The following RAB2A variants were observed in gnomAD, a reference collection of about 807,000 sequenced individuals.
RAB2A encodes the protein RAB2A, member RAS oncogene family.
In RAB2A, 7 loss-of-function variants were observed where a neutral mutation model predicts 32.5. The observed-to-expected ratio is 0.22, with a 90% CI of 0.12 to 0.40. RAB2A has a LOEUF of 0.40. Ranked by LOEUF, RAB2A falls within the 10% of genes least tolerant of loss-of-function variation. The probability of loss-of-function intolerance (pLI) is 1.00; values close to 1 mark genes in which losing one functional copy is unlikely to be tolerated. For missense variants in RAB2A, 108 were observed against 260.7 expected, an observed-to-expected ratio of 0.41 and a Z score of 4.03; for synonymous variants, 79 against 85.2, an observed-to-expected ratio of 0.93 and a Z score of 0.40.
intron 6 of RAB2A, among the ~76,000 whole-genome samples, chr8:60,612,051 G>A (rs920762315): frequency 6.6e-6 from 1 of 152,050 alleles, no homozygotes; most frequent in African/African-American, 2.4e-5. Flanking sequence ...ATAGTGGTTT[G>A]CTGCACCTAT....
chr8:60,572,952 A>G (rs1808217692), intron 3 of RAB2A, among the ~76,000 whole-genome samples: 1 of 152,170 alleles, frequency 6.6e-6, no homozygotes, highest in South Asian at 2.1e-4. Flanking sequence ...AAACAACTAC[A>G]TTTTTCTAGT....
chr8:60,540,863 AGAGAT>A (rs1349544684), intron 1 of RAB2A, among the ~76,000 whole-genome samples: 2 of 152,222 alleles, frequency 1.3e-5, no homozygotes, highest in African/African-American at 4.8e-5. Context: ...TATGGTGATG[AGAGAT>A]GACATTATAT....
At chr8:60,545,433 C>T (rs1183539222) in intron 1 of RAB2A, among the ~76,000 whole-genome samples, 2 of 152,026 alleles carry the variant, frequency 1.3e-5, no homozygotes, top group African/African-American at 4.8e-5. Context: ...GCTGAGACTA[C>T]TGCCATGCAC....
At chr8:60,559,077 G>T (rs1807981310) in intron 2 of RAB2A, 154 bp downstream of exon 2, 1 of 574,044 alleles carries the variant, frequency 1.7e-6, no homozygotes, top group Non-Finnish European at 3.1e-6. Flanking sequence ...TTAAAAATAT[G>T]TGTAGTAAAA....
intron 1 of RAB2A, among the ~76,000 whole-genome samples, chr8:60,533,181 A>G (rs183250264): frequency 3.1e-4 from 47 of 152,366 alleles, no homozygotes; most frequent in Non-Finnish European, 5.9e-4. Context: ...TATGAGTCAG[A>G]TAAGTAATAA....
At chr8:60,589,907 C>T (rs1803913572) in intron 5 of RAB2A, among the ~76,000 whole-genome samples, 1 of 151,966 alleles carries the variant, frequency 6.6e-6, no homozygotes, top group African/African-American at 2.4e-5. Flanking sequence ...TTCCATGAAA[C>T]AGTAGATGGA....
At chr8:60,577,052 T>C (rs200205595) in intron 3 of RAB2A, among the ~76,000 whole-genome samples, 4 of 152,034 alleles carry the variant, frequency 2.6e-5, no homozygotes, top group African/African-American at 9.7e-5. Context: ...CTTTTTTTTT[T>C]TCTTGTTTTT....
intron 2 of RAB2A, among the ~76,000 whole-genome samples, chr8:60,563,293 A>G (rs1808051709): frequency 1.3e-5 from 2 of 152,236 alleles, no homozygotes; most frequent in African/African-American, 2.4e-5. Context: ...AAATAGCTTC[A>G]TGGACACAAT....
chr8:60,588,934 G>C (rs1387773924), intron 5 of RAB2A, among the ~76,000 whole-genome samples: 1 of 152,082 alleles, frequency 6.6e-6, no homozygotes, highest in Non-Finnish European at 1.5e-5. Flanking sequence ...GCTAAACATT[G>C]TTTACTTCTT....
At chr8:60,557,388 C>T (rs1284093064) in intron 1 of RAB2A, among the ~76,000 whole-genome samples, 2 of 152,002 alleles carry the variant, frequency 1.3e-5, no homozygotes, top group African/African-American at 4.8e-5. Flanking sequence ...TGGTGGTGTG[C>T]GCCTGTTATG....
At chr8:60,526,576 A>G (rs1563458620) in intron 1 of RAB2A, among the ~76,000 whole-genome samples, 1 of 152,166 alleles carries the variant, frequency 6.6e-6, no homozygotes, top group Non-Finnish European at 1.5e-5. Context: ...CTAGGGTAAA[A>G]TATTCACAGG....
intron 6 of RAB2A, among the ~76,000 whole-genome samples, chr8:60,614,294 G>T (rs1804412179): frequency 6.7e-6 from 1 of 150,020 alleles, no homozygotes; most frequent in Admixed American, 6.7e-5. Context: ...TGAGCCATTG[G>T]GCTTAGATTC....
At chr8:60,581,241 A>G (rs1041888623) in intron 3 of RAB2A, among the ~76,000 whole-genome samples, 8 of 152,196 alleles carry the variant, frequency 5.3e-5, no homozygotes, top group African/African-American at 1.9e-4. Flanking sequence ...TAGTTTTCAG[A>G]TTAGGGATGC....
chr8:60,549,529 A>G (rs1807811223), intron 1 of RAB2A, among the ~76,000 whole-genome samples: 1 of 151,264 alleles, frequency 6.6e-6, no homozygotes, highest in African/African-American at 2.4e-5. Context: ...TGGATAGAAA[A>G]TGATTGGGGA....
intron 2 of RAB2A, among the ~76,000 whole-genome samples, chr8:60,561,909 T>G (rs1315787365): frequency 1.3e-5 from 2 of 152,180 alleles, no homozygotes; most frequent in African/African-American, 4.8e-5. Flanking sequence ...TAATGATCAG[T>G]TCTCTACTCT....
At chr8:60,538,489 A>G (rs1399330966) in intron 1 of RAB2A, among the ~76,000 whole-genome samples, 1 of 152,174 alleles carries the variant, frequency 6.6e-6, no homozygotes, top group Non-Finnish European at 1.5e-5. Flanking sequence ...AACTCTGAAG[A>G]CTGTGGTAAC....
intron 1 of RAB2A, among the ~76,000 whole-genome samples, chr8:60,527,037 TCA>T (rs1807403137): frequency 6.6e-6 from 1 of 150,380 alleles, no homozygotes; most frequent in Non-Finnish European, 1.5e-5. Context: ...TTTAATTAAC[TCA>T]CAATTCCACA....
chr8:60,601,735 GC>G (rs1236195796), intron 6 of RAB2A, among the ~76,000 whole-genome samples: 1 of 152,182 alleles, frequency 6.6e-6, no homozygotes, highest in Non-Finnish European at 1.5e-5. Context: ...AAGAAAAACC[GC>G]ATTCATTCAC....
chr8:60,543,681 T>G (rs567508756), intron 1 of RAB2A, among the ~76,000 whole-genome samples: 2 of 152,236 alleles, frequency 1.3e-5, no homozygotes, highest in South Asian at 2.1e-4. Context: ...GCTGATGAAA[T>G]GGAGGTTATT....
Sources: allele counts gnomAD v4.1 joint callset (sites outside exome capture counted in the v4.1 genomes callset), GRCh38; gene constraint gnomAD v4.1.1; transcripts MANE v1.5; gene names NCBI Gene and HGNC (gene_info 2026-07-23, HGNC 2026-07-21).